MAP3K5: variants seen among roughly 807,000 people sequenced by gnomAD.
MAP3K5 encodes mitogen-activated protein kinase kinase kinase 5.
MAP3K5 carries 56 observed loss-of-function variants against 158.7 expected under a neutral mutation model. The ratio of observed to expected loss-of-function variants is 0.35; its 90% CI spans 0.28 to 0.44. The LOEUF is 0.44. Ranked by LOEUF, MAP3K5 falls within the 20% of genes least tolerant of loss-of-function variation. The probability of loss-of-function intolerance (pLI) is 1.00; values close to 1 mark genes in which losing one functional copy is unlikely to be tolerated. For missense variants in MAP3K5, 1,294 were observed against 1,674.8 expected, an observed-to-expected ratio of 0.77 and a Z score of 3.97; for synonymous variants, 579 against 601.7, an observed-to-expected ratio of 0.96 and a Z score of 0.55.
rs75952214 is a variant in MAP3K5, at chr6:136,576,555, C to A, written c.3517+3746G>T. 1.4e-3 allele frequency among the ~76,000 whole-genome samples: 209 copies of A among 152,288 alleles called. 1 individual carries two copies. The highest frequency in any genetic ancestry group is 5.0e-3 in the African/African-American group (208 of 41,568). The stretch of plus-strand genomic sequence containing the variant: ...CTCCTGGCCTCAAGCAATCCTCTTG[C>A]CTTGGCCTCACGAAGCCTTAGGATT... On this transcript the variant is annotated intron_variant, in intron 25 of 29. Transcript: ENST00000359015.
chr6:136,753,603 A>T (rs1783322130), intron 1 of MAP3K5, among the ~76,000 whole-genome samples: 3 of 152,228 alleles, frequency 2.0e-5, no homozygotes, highest in Admixed American at 6.5e-5. Context: ...AATTACCTGA[A>T]AATTAATTAT....
chr6:136,679,968 A>C (rs9494555), intron 7 of MAP3K5, among the ~76,000 whole-genome samples: 26,317 of 152,066 alleles, frequency 0.17, 3,550 homozygotes, highest in African/African-American at 0.37. Context: ...TTATTATTCA[A>C]CCTTACAAAG....
intron 12 of MAP3K5, among the ~76,000 whole-genome samples, chr6:136,640,786 G>GAC (rs1777891115): frequency 6.6e-6 from 1 of 152,220 alleles, no homozygotes; most frequent in South Asian, 2.1e-4. Flanking sequence ...GTTCTGAGGT[G>GAC]ACGCAAGGCA....
intron 28 of MAP3K5, 137 bp from the exon 29 acceptor site, chr6:136,559,013 G>A (rs935910885): frequency 1.7e-6 from 1 of 597,394 alleles, no homozygotes; most frequent in African/African-American, 1.9e-5. Context: ...CAATCTTCCA[G>A]GATTATTAGG....
intron 7 of MAP3K5, among the ~76,000 whole-genome samples, chr6:136,692,571 C>A (rs963832483): frequency 2.0e-5 from 3 of 152,188 alleles, no homozygotes; most frequent in African/African-American, 7.2e-5. Flanking sequence ...CTCTTCAGTG[C>A]TTTCCAACTT....
intron 2 of MAP3K5, among the ~76,000 whole-genome samples, chr6:136,715,551 T>A (rs564315595): frequency 6.6e-6 from 1 of 152,140 alleles, no homozygotes; most frequent in Non-Finnish European, 1.5e-5. Flanking sequence ...TCCATGCACA[T>A]GTCTATCCTT....
chr6:136,730,245 C>T (rs927538556), intron 1 of MAP3K5, among the ~76,000 whole-genome samples: 1 of 151,642 alleles, frequency 6.6e-6, no homozygotes, highest in Non-Finnish European at 1.5e-5. Flanking sequence ...GTGAGCCACC[C>T]GCCTAGGCCT....
chr6:136,687,061 G>A (rs1393038421), intron 7 of MAP3K5, among the ~76,000 whole-genome samples: 1 of 152,168 alleles, frequency 6.6e-6, no homozygotes, highest in Non-Finnish European at 1.5e-5. Context: ...TCATGGTACT[G>A]ATACCAAAAC....
intron 7 of MAP3K5, among the ~76,000 whole-genome samples, chr6:136,690,649 T>C (rs1252569323): frequency 1.3e-5 from 2 of 152,234 alleles, no homozygotes; most frequent in Non-Finnish European, 1.5e-5. Flanking sequence ...TCATATCCTA[T>C]GCATTTTTTA....
chr6:136,562,704 C>G, intron 26 of MAP3K5, 89 bp from the exon 27 acceptor site: 1 of 646,250 alleles, frequency 1.5e-6, no homozygotes, highest in Non-Finnish European at 2.6e-6. Context: ...CAAGGTCTCT[C>G]TCTGTTGCCT....
intron 1 of MAP3K5, among the ~76,000 whole-genome samples, chr6:136,731,582 T>A (rs1223853302): frequency 6.6e-6 from 1 of 152,230 alleles, no homozygotes; most frequent in East Asian, 1.9e-4. Context: ...CACTTCATCA[T>A]ATCTGCAAAG....
chr6:136,768,689 G>A (rs1784057240), intron 1 of MAP3K5, among the ~76,000 whole-genome samples: 1 of 152,132 alleles, frequency 6.6e-6, no homozygotes, highest in Non-Finnish European at 1.5e-5. Context: ...CAAGGTGGGT[G>A]TATCACTTGA....
intron 8 of MAP3K5, among the ~76,000 whole-genome samples, chr6:136,668,338 C>T (rs374318626): frequency 3.9e-4 from 59 of 152,198 alleles, no homozygotes; most frequent in South Asian, 1.7e-3. Flanking sequence ...GAGCTATGAT[C>T]GCACCACTGC....
At chr6:136,767,192 G>C (rs1784002569) in intron 1 of MAP3K5, among the ~76,000 whole-genome samples, 1 of 152,142 alleles carries the variant, frequency 6.6e-6, no homozygotes, top group Non-Finnish European at 1.5e-5. Context: ...AAGGTAAGTG[G>C]TGATTCTCAT....
chr6:136,771,878 T>C (rs1160548071), intron 1 of MAP3K5, among the ~76,000 whole-genome samples: 2 of 152,144 alleles, frequency 1.3e-5, no homozygotes, highest in African/African-American at 2.4e-5. Flanking sequence ...ATTTTCAAAA[T>C]AGGTTTTCAA....
At chr6:136,716,190 C>A (rs1219730547) in intron 2 of MAP3K5, among the ~76,000 whole-genome samples, 2 of 151,374 alleles carry the variant, frequency 1.3e-5, no homozygotes, top group Non-Finnish European at 2.9e-5. Context: ...TTACAGTATA[C>A]ATTTAGGGTT....
At chr6:136,721,686 A>C (rs1022083393) in intron 1 of MAP3K5, among the ~76,000 whole-genome samples, 1 of 152,206 alleles carries the variant, frequency 6.6e-6, no homozygotes, top group African/African-American at 2.4e-5. Flanking sequence ...ACATGCTCCA[A>C]GTACATTAAT....
intron 14 of MAP3K5, among the ~76,000 whole-genome samples, chr6:136,634,012 AT>A (rs1777499963): frequency 6.6e-6 from 1 of 152,210 alleles, no homozygotes; most frequent in Non-Finnish European, 1.5e-5. Context: ...CTCTAAAGTC[AT>A]TCTTTTTGTT....
In MAP3K5 at chr6:136,669,264, A is replaced by G; in HGVS notation, c.1366+19T>C. ...GTCCAGTTTCTTGATTTCCATGTAA[A>G]ATATCAAGTTGTAATTACCAACTTT... On this transcript the variant is annotated intron_variant, in intron 8 of 29. Transcript: ENST00000359015. 1 of 1,519,080 alleles carries G rather than the reference A, an allele frequency of 6.6e-7. No homozygotes were observed. Among genetic ancestry groups the G allele is most frequent in the East Asian group, 2.3e-5 (1 of 44,378 alleles). The allele number at this position is 1,519,080 out of a possible 1,614,324, so 94.1% of individuals were successfully genotyped here. A position where few individuals can be genotyped will look rare whatever the true frequency, so the allele number is the denominator to read the frequency against.
Sources: allele counts gnomAD v4.1 joint callset (sites outside exome capture counted in the v4.1 genomes callset), GRCh38; gene constraint gnomAD v4.1.1; transcripts MANE v1.5; gene names NCBI Gene and HGNC (gene_info 2026-07-23, HGNC 2026-07-21).